Variants in SCN8A observed in about 807,000 individuals in gnomAD.
The protein encoded by SCN8A is sodium voltage-gated channel alpha subunit 8.
A neutral mutation model predicts 184.1 loss-of-function variants in SCN8A; 30 were observed. The ratio of observed to expected loss-of-function variants is 0.16; its 90% CI spans 0.12 to 0.22. The LOEUF is 0.22. Among genes scored for constraint, SCN8A ranks in the 10% least tolerant of loss-of-function variants. The probability of loss-of-function intolerance (pLI) is 1.00; values close to 1 mark genes in which losing one functional copy is unlikely to be tolerated. For synonymous variants in SCN8A, 852 were observed against 907.0 expected, an observed-to-expected ratio of 0.94 and a Z score of 1.09; for missense variants, 1,057 against 2,498.9, an observed-to-expected ratio of 0.42 and a Z score of 12.30.
Position 51,684,185 on chromosome 12 carries a change from A to G in SCN8A, c.288A>G (p.Val96=), listed in dbSNP as rs761884033. The G allele has an allele frequency of 3.9e-6, 6 of 1,557,936 alleles. No individual in the cohort carries two copies. In the African/African-American group the frequency reaches 4.1e-5, roughly 11 times the overall value. ...PYYLTQKTFV[V]LNRGKTLFRF... is the part of the protein sequence containing the mutation. ...TTCTTTCTCCACAGACCTTTGTAGT[A>G]TTAAACAGAGGGAAAACTCTCTTCA... The change falls in exon 3 of 27, where the codon GTA becomes GTG. Residue 96 remains valine, a synonymous_variant. Coordinates refer to ENST00000627620, the MANE Select transcript of SCN8A (RefSeq NM_001330260.2).
rs376962385 is a variant in SCN8A at position 51,662,472 on chromosome 12, C to G, written c.-54-292C>G. ...TCCTTATTTGTTTAGAATAGAAGTTCCTTGAGGGAGTAGAATATATCCTTT... is the reference window on the plus strand; with the variant it reads ...TCCTTATTTGTTTAGAATAGAAGTTGCTTGAGGGAGTAGAATATATCCTTT... On this transcript the variant is annotated intron_variant, in intron 1 of 26. Transcript: ENST00000627620. Among the ~76,000 whole-genome samples the G allele has an allele frequency of 3.9e-5, 6 of 152,152 alleles. No homozygotes were observed. In the South Asian group the frequency reaches 8.3e-4, roughly 21 times the overall value.
chr12:51,795,220 C>T (rs867700236), intron 26 of SCN8A, among the ~76,000 whole-genome samples: 4 of 152,168 alleles, frequency 2.6e-5, no homozygotes, highest in Admixed American at 6.5e-5. Context: ...CACAGCCACT[C>T]GCTAGGAGGT....
At chr12:51,664,907 G>C (rs988487447) in intron 2 of SCN8A, among the ~76,000 whole-genome samples, 1 of 151,902 alleles carries the variant, frequency 6.6e-6, no homozygotes, top group African/African-American at 2.4e-5. Context: ...GACAGGCCCC[G>C]ATGTGTGTTG....
chr12:51,618,617 A>G (rs1186249652), intron 1 of SCN8A, among the ~76,000 whole-genome samples: 1 of 152,152 alleles, frequency 6.6e-6, no homozygotes. Flanking sequence ...TAAGTAATGG[A>G]TGGAGCAGCT....
intron 1 of SCN8A, among the ~76,000 whole-genome samples, chr12:51,625,019 C>T (rs1336411243): frequency 6.6e-6 from 1 of 152,000 alleles, no homozygotes; most frequent in Non-Finnish European, 1.5e-5. Flanking sequence ...TCCTGGGATT[C>T]CCTGACATAC....
At chr12:51,691,941 C>T (rs908812273) in intron 6 of SCN8A, among the ~76,000 whole-genome samples, 1 of 152,194 alleles carries the variant, frequency 6.6e-6, no homozygotes. Context: ...AGTCTCCTTC[C>T]AAGGCGGGAG....
intron 20 of SCN8A, chr12:51,780,208 T>C (rs768119484): frequency 2.2e-6 from 1 of 456,378 alleles, no homozygotes. Flanking sequence ...ATAGGTACCA[T>C]TAAATTTGTC....
rs925200187 is a variant in SCN8A at position 51,680,540 on chromosome 12, A to G, written c.277-3634A>G. Among the ~76,000 whole-genome samples the G allele has an allele frequency of 5.3e-5, 8 of 152,124 alleles. No individual in the cohort carries two copies. In the South Asian group the frequency reaches 8.3e-4, roughly 16 times the overall value. On this transcript the variant is annotated intron_variant, in intron 2 of 26. Coordinates refer to ENST00000627620, the MANE Select transcript of SCN8A (RefSeq NM_001330260.2). ...TTCCCTCACCTAAAACAACATAAGC[A>G]TTTGTTCATGAACCAATCAACAGAC...
intron 14 of SCN8A, among the ~76,000 whole-genome samples, chr12:51,759,770 G>A (rs1942734957): frequency 6.6e-6 from 1 of 152,194 alleles, no homozygotes; most frequent in Non-Finnish European, 1.5e-5. Context: ...TCTAAGTAAT[G>A]TTACCACAAC....
intron 11 of SCN8A, chr12:51,713,190 T>G: frequency 8.5e-7 from 1 of 1,180,598 alleles, no homozygotes; most frequent in Non-Finnish European, 1.3e-6. Context: ...TCAAATTATA[T>G]TCCTTTGTAT....
intron 1 of SCN8A, among the ~76,000 whole-genome samples, chr12:51,647,959 C>G (rs546061716): frequency 7.2e-5 from 11 of 152,280 alleles, no homozygotes; most frequent in Non-Finnish European, 1.3e-4. Flanking sequence ...TAGTTCTGTA[C>G]CAAGCTTCTT....
At chr12:51,775,181 G>A (rs1026636633) in intron 20 of SCN8A, among the ~76,000 whole-genome samples, 3 of 152,210 alleles carry the variant, frequency 2.0e-5, no homozygotes, top group East Asian at 3.8e-4. Flanking sequence ...TAGGACCAGG[G>A]CCTGTGGAAA....
chr12:51,772,871 C>T (rs962591113), intron 19 of SCN8A, among the ~76,000 whole-genome samples: 3 of 151,974 alleles, frequency 2.0e-5, no homozygotes, highest in Non-Finnish European at 4.4e-5. Context: ...AATCCCAGCA[C>T]TTTGGGAGGC....
At chr12:51,736,616 T>C (rs1942330186) in intron 12 of SCN8A, among the ~76,000 whole-genome samples, 1 of 152,224 alleles carries the variant, frequency 6.6e-6, no homozygotes, top group African/African-American at 2.4e-5. Flanking sequence ...CCATCAGCCA[T>C]TTAATTCCCT....
At chr12:51,661,404 A>G (rs2138668888) in intron 1 of SCN8A, among the ~76,000 whole-genome samples, 2 of 152,276 alleles carry the variant, frequency 1.3e-5, no homozygotes, top group Middle Eastern at 6.8e-3. Flanking sequence ...CGGCCCTCAT[A>G]CAGACACTAC....
intron 1 of SCN8A, among the ~76,000 whole-genome samples, chr12:51,605,305 C>G (rs917889982): frequency 1.3e-5 from 2 of 152,162 alleles, no homozygotes; most frequent in African/African-American, 4.8e-5. Context: ...GCCTTTTCAT[C>G]CTCATAGCTT....
At chr12:51,745,851 A>G in intron 12 of SCN8A, 52 bp from the exon 13 acceptor site, 1 of 1,451,054 alleles carries the variant, frequency 6.9e-7, no homozygotes, top group African/African-American at 1.4e-5. Context: ...GCCCAGATTT[A>G]CCTTTATAGA....
chr12:51,647,097 C>A (rs1209901655), intron 1 of SCN8A, among the ~76,000 whole-genome samples: 1 of 152,044 alleles, frequency 6.6e-6, no homozygotes. Context: ...TAGTCCCGGC[C>A]ACTTGGGAGG....
At chr12:51,780,341 T>C in intron 20 of SCN8A, 1 of 366,718 alleles carries the variant, frequency 2.7e-6, no homozygotes, top group Admixed American at 3.4e-5. Flanking sequence ...CCCTCTCCTG[T>C]CAGCCTCTCC....
Sources: gnomAD v4.1 joint callset for allele counts (sites outside exome capture counted in the v4.1 genomes callset) on GRCh38, gnomAD v4.1.1 for gene constraint, MANE v1.5 for transcripts, NCBI Gene and HGNC (gene_info 2026-07-23, HGNC 2026-07-21) for gene names.